Variants in RAB3C observed in about 807,000 individuals in gnomAD.
RAB3C encodes the protein ras-related protein Rab-3C.
A neutral mutation model predicts 26.4 loss-of-function variants in RAB3C; 17 were observed. The ratio of observed to expected loss-of-function variants is 0.64; its 90% CI spans 0.44 to 0.97. RAB3C has a LOEUF of 0.97. RAB3C is among the 50% of genes least tolerant of loss of function. RAB3C has a pLI of 0.00. For synonymous variants in RAB3C, 91 were observed against 95.9 expected, an observed-to-expected ratio of 0.95 and a Z score of 0.30; for missense variants, 242 against 281.9, an observed-to-expected ratio of 0.86 and a Z score of 1.01.
At chr5:58,679,004 T>G (rs2111837174) in intron 2 of RAB3C, among the ~76,000 whole-genome samples, 1 of 152,316 alleles carries the variant, frequency 6.6e-6, no homozygotes. Context: ...CCTGAGCTGA[T>G]GGACTGTAAG....
intron 2 of RAB3C, among the ~76,000 whole-genome samples, chr5:58,675,924 G>T (rs1748215763): frequency 6.6e-6 from 1 of 151,456 alleles, no homozygotes; most frequent in African/African-American, 2.4e-5. Context: ...CTTTCAGCAG[G>T]CCCCAGCTGG....
intron 3 of RAB3C, among the ~76,000 whole-genome samples, chr5:58,783,880 T>G (rs924393650): frequency 6.6e-6 from 1 of 152,212 alleles, no homozygotes; most frequent in Non-Finnish European, 1.5e-5. Flanking sequence ...TTAAATTGTT[T>G]CATGGTAAAC....
intron 3 of RAB3C, among the ~76,000 whole-genome samples, chr5:58,749,295 T>TA (rs996167083): frequency 2.6e-5 from 4 of 152,182 alleles, no homozygotes; most frequent in African/African-American, 4.8e-5. Flanking sequence ...TTGTGATTTT[T>TA]AAAAAAATTT....
intron 3 of RAB3C, among the ~76,000 whole-genome samples, chr5:58,769,099 G>A (rs1252186919): frequency 7.2e-5 from 11 of 151,948 alleles, no homozygotes; most frequent in African/African-American, 1.9e-4. Flanking sequence ...AAGAAGAACC[G>A]AGGATGGCCG....
At chr5:58,609,686 G>A (rs935316176) in intron 1 of RAB3C, among the ~76,000 whole-genome samples, 1 of 152,152 alleles carries the variant, frequency 6.6e-6, no homozygotes, top group Non-Finnish European at 1.5e-5. Flanking sequence ...ATAGTGGTTT[G>A]CATCTTGAAA....
chr5:58,592,046 G>A (rs912959025), intron 1 of RAB3C, among the ~76,000 whole-genome samples: 33 of 151,698 alleles, frequency 2.2e-4, no homozygotes, highest in African/African-American at 8.0e-4. Context: ...TTACAGGCAT[G>A]TGCAACCACA....
chr5:58,688,336 T>TC (rs1349311552), intron 2 of RAB3C, among the ~76,000 whole-genome samples: 7 of 152,104 alleles, frequency 4.6e-5, no homozygotes, highest in Admixed American at 4.6e-4. Context: ...CCTCTCCCTG[T>TC]CTTACTGTTT....
Position 58,711,778 on chromosome 5 carries a change from T to G in RAB3C, c.253-14224T>G, listed in dbSNP as rs575771627. Among the ~76,000 whole-genome samples, 55 of 152,266 alleles carry G rather than the reference T, an allele frequency of 3.6e-4. 1 individual carries two copies. The highest frequency in any genetic ancestry group is 2.5e-3 in the Admixed American group (38 of 15,282). ...ACATTTTCTTTCCTCCATTACAGAT[T>G]GTGGATCCTCCTCTGGAATACACAA... On this transcript the variant is annotated intron_variant, in intron 2 of 4. Coordinates refer to ENST00000282878, the MANE Select transcript of RAB3C (RefSeq NM_138453.4).
At chr5:58,846,343 C>G (rs1416980349) in intron 4 of RAB3C, among the ~76,000 whole-genome samples, 1 of 152,136 alleles carries the variant, frequency 6.6e-6, no homozygotes, top group Non-Finnish European at 1.5e-5. Flanking sequence ...CCATACACCC[C>G]TCTTGATTCC....
rs143472207 is a variant in RAB3C at position 58,626,408 on chromosome 5, A to C, written c.252+8538A>C. ...ATAAATTTACCAACCAAAATGTTTA[A>C]TCTGCCTGAACACATTGGTGTTACT... On this transcript the variant is annotated intron_variant, in intron 2 of 4. Coordinates refer to ENST00000282878, the MANE Select transcript of RAB3C (RefSeq NM_138453.4). Among the ~76,000 whole-genome samples, 1,029 of 152,260 alleles carry C rather than the reference A, an allele frequency of 6.8e-3. 4 individuals are homozygous for C. Among genetic ancestry groups the C allele is most frequent in the African/African-American group, 0.022 (917 of 41,560 alleles).
intron 3 of RAB3C, chr5:58,784,676 G>A (rs1176622840): frequency 1.3e-5 from 2 of 152,202 alleles, no homozygotes; most frequent in African/African-American, 2.4e-5. Flanking sequence ...AGGGAGGGAG[G>A]AGTCAAAAAG....
At chr5:58,829,933 G>A (rs918126347) in intron 4 of RAB3C, among the ~76,000 whole-genome samples, 7 of 151,814 alleles carry the variant, frequency 4.6e-5, no homozygotes, top group Admixed American at 6.6e-5. Flanking sequence ...ATAATACTGC[G>A]GAGTCATAAA....
At chr5:58,659,120 T>C (rs1370064012) in intron 2 of RAB3C, among the ~76,000 whole-genome samples, 1 of 152,228 alleles carries the variant, frequency 6.6e-6, no homozygotes, top group Admixed American at 6.5e-5. Context: ...AAAAAACTTT[T>C]ATAATCACAC....
At chr5:58,709,794 A>C (rs574493699) in intron 2 of RAB3C, among the ~76,000 whole-genome samples, 2 of 152,300 alleles carry the variant, frequency 1.3e-5, no homozygotes, top group African/African-American at 2.4e-5. Context: ...ACGGAAAAGA[A>C]TTACTTTAAC....
intron 4 of RAB3C, among the ~76,000 whole-genome samples, chr5:58,850,568 C>T (rs769240172): frequency 1.3e-5 from 2 of 152,186 alleles, no homozygotes; most frequent in Admixed American, 1.3e-4. Flanking sequence ...GCAGGGCAGA[C>T]ATGGAAAAGT....
chr5:58,724,231 G>A (rs1328194031), intron 2 of RAB3C, among the ~76,000 whole-genome samples: 1 of 151,572 alleles, frequency 6.6e-6, no homozygotes, highest in Non-Finnish European at 1.5e-5. Flanking sequence ...CTCTCTGTGG[G>A]AAGCACTTTA....
chr5:58,711,213 C>A lies in RAB3C; in HGVS notation c.253-14789C>A, dbSNP rs114213579. ...ACAAATATCTTTATTTTCTCTTCTCCCCTGGGAGTGGGATGAGCAAGAAAC... is the reference window on the plus strand; with the variant it reads ...ACAAATATCTTTATTTTCTCTTCTCACCTGGGAGTGGGATGAGCAAGAAAC... On this transcript the variant is annotated intron_variant, in intron 2 of 4. Coordinates refer to ENST00000282878, the MANE Select transcript of RAB3C (RefSeq NM_138453.4). Among the ~76,000 whole-genome samples the A allele has an allele frequency of 2.9e-3, 444 of 152,236 alleles. 2 individuals are homozygous for A. Among genetic ancestry groups the A allele is most frequent in the African/African-American group, 8.7e-3 (361 of 41,546 alleles).
At chr5:58,822,759 CA>C in intron 3 of RAB3C, 1 of 538,054 alleles carries the variant, frequency 1.9e-6, no homozygotes, top group Non-Finnish European at 3.5e-6. Context: ...CATGAACTAC[CA>C]AAATAAGGTG....
intron 3 of RAB3C, among the ~76,000 whole-genome samples, chr5:58,792,100 G>A (rs1196911933): frequency 6.6e-6 from 1 of 152,242 alleles, no homozygotes; most frequent in African/African-American, 2.4e-5. Context: ...TATCTTATAT[G>A]AGGAAATTAG....
Sources: allele counts gnomAD v4.1 joint callset (sites outside exome capture counted in the v4.1 genomes callset), GRCh38; gene constraint gnomAD v4.1.1; transcripts MANE v1.5; gene names NCBI Gene and HGNC (gene_info 2026-07-23, HGNC 2026-07-21).